Variants in TMEM156 observed in about 807,000 individuals in gnomAD.
TMEM156 encodes the protein transmembrane protein 156.
Under a neutral mutation model 30.5 loss-of-function variants are expected in TMEM156, and 28 were observed. The ratio of observed to expected loss-of-function variants is 0.92; its 90% CI spans 0.68 to 1.26. TMEM156 has a LOEUF of 1.26. Ranked by LOEUF, TMEM156 falls within the 50% of genes most tolerant of loss-of-function variation. The pLI is 0.00. For missense variants in TMEM156, 351 were observed against 340.6 expected (o/e 1.03, Z -0.24); for synonymous variants, 137 against 119.9 (o/e 1.14, Z -0.93).
intron 6 of TMEM156, among the ~76,000 whole-genome samples, chr4:38,969,673 G>A (rs1478128192): frequency 2.6e-5 from 4 of 152,148 alleles, no homozygotes; most frequent in Non-Finnish European, 5.9e-5. Context: ...GCTCACTGCA[G>A]CCTCAACTTC....
At chr4:38,985,916 AT>A (rs1490092500) in intron 5 of TMEM156, among the ~76,000 whole-genome samples, 2 of 152,188 alleles carry the variant, frequency 1.3e-5, no homozygotes, top group Non-Finnish European at 2.9e-5. Context: ...GGGCTTTTTA[AT>A]TGGGGCTATT....
At chr4:39,005,830 C>T (rs1037473540) in intron 1 of TMEM156, among the ~76,000 whole-genome samples, 1 of 152,168 alleles carries the variant, frequency 6.6e-6, no homozygotes, top group Non-Finnish European at 1.5e-5. Context: ...TTCAGTTTTA[C>T]TAGAAATGCC....
intron 5 of TMEM156, among the ~76,000 whole-genome samples, chr4:38,982,911 T>A (rs1236835759): frequency 1.3e-5 from 2 of 152,212 alleles, no homozygotes; most frequent in African/African-American, 4.8e-5. Flanking sequence ...CATGTGGACA[T>A]GTCAGGGGTG....
chr4:38,967,416 T>C lies in TMEM156; in HGVS notation c.*264A>G, dbSNP rs1301454824. The C allele has an allele frequency of 6.6e-6, 1 of 152,212 alleles. No homozygotes were observed. Among genetic ancestry groups the C allele is most frequent in the African/African-American group, 2.4e-5 (1 of 41,462 alleles). The allele number at this position is 152,212 out of a possible 1,614,324, so 9.4% of individuals were successfully genotyped here. On this transcript the variant is annotated 3_prime_UTR_variant, in exon 7 of 7. Coordinates refer to ENST00000381938, the MANE Select transcript of TMEM156 (RefSeq NM_024943.3). ...CTTGCTGTTTCCATGGGTTTCATCA[T>C]CTTTTTTTCCATGACTCATAATGGC...
intron 6 of TMEM156, among the ~76,000 whole-genome samples, chr4:38,968,947 T>A (rs900785090): frequency 2.0e-5 from 3 of 152,132 alleles, no homozygotes; most frequent in African/African-American, 7.2e-5. Context: ...GTTTGGTCAA[T>A]GGGGGAGTAC....
At chr4:38,980,829 G>T in intron 5 of TMEM156, 2 of 719,518 alleles carry the variant, frequency 2.8e-6, no homozygotes, top group Non-Finnish European at 3.4e-6. Flanking sequence ...GATGGTTCAG[G>T]CAGGGACAAT....
intron 5 of TMEM156, among the ~76,000 whole-genome samples, chr4:38,973,548 C>A (rs1201485139): frequency 6.6e-6 from 1 of 152,024 alleles, no homozygotes; most frequent in South Asian, 2.1e-4. Flanking sequence ...TTTTTGTACC[C>A]TGTCCCTTAC....
intron 2 of TMEM156, among the ~76,000 whole-genome samples, chr4:38,995,012 G>A (rs534679628): frequency 1.8e-4 from 28 of 152,172 alleles, no homozygotes; most frequent in Non-Finnish European, 1.8e-4. Flanking sequence ...GTGTTGGCAC[G>A]GTTGATTTGT....
At chr4:39,005,911 T>C (rs1247311288) in intron 1 of TMEM156, among the ~76,000 whole-genome samples, 5 of 152,196 alleles carry the variant, frequency 3.3e-5, no homozygotes, top group Non-Finnish European at 5.9e-5. Context: ...TCTTTTTCTT[T>C]TTTGAGTCAG....
At position 39,032,318 on chromosome 4, in the gene TMEM156, C is replaced by T. The variant is rs1715576108; in HGVS notation, c.-5G>A. 1.9e-6 allele frequency: 3 copies of T among 1,566,488 alleles called. No homozygotes were observed. Among genetic ancestry groups the T allele is most frequent in the Non-Finnish European group, 2.6e-6 (3 of 1,140,394 alleles). On this transcript the variant is annotated 5_prime_UTR_variant, in exon 1 of 7. Transcript: ENST00000381938. Reference sequence around the variant, plus strand: ...AAGGAGGGCTGTTTTTGTCATGTCTCTTCACATGACACAAATGTGTTCCCT... The same window carrying T: ...AAGGAGGGCTGTTTTTGTCATGTCTTTTCACATGACACAAATGTGTTCCCT...
intron 1 of TMEM156, among the ~76,000 whole-genome samples, chr4:39,009,976 G>T (rs969613922): frequency 6.6e-6 from 1 of 152,088 alleles, no homozygotes; most frequent in Admixed American, 6.6e-5. Flanking sequence ...TTGATGATAT[G>T]ATTATATACC....
At chr4:38,982,730 T>C (rs1174702126) in intron 5 of TMEM156, among the ~76,000 whole-genome samples, 1 of 152,222 alleles carries the variant, frequency 6.6e-6, no homozygotes, top group Non-Finnish European at 1.5e-5. Context: ...TCTGTCCCTC[T>C]AGAGAACCCT....
chr4:39,007,955 T>C (rs1487835923), intron 1 of TMEM156, among the ~76,000 whole-genome samples: 2 of 152,190 alleles, frequency 1.3e-5, no homozygotes, highest in Non-Finnish European at 2.9e-5. Flanking sequence ...TATATGGAAA[T>C]ACAATTGACC....
At chr4:38,981,000 A>G (rs1413311896) in intron 5 of TMEM156, 12 of 963,468 alleles carry the variant, frequency 1.2e-5, no homozygotes, top group Non-Finnish European at 1.5e-5. Flanking sequence ...TCTTCCTGCA[A>G]AAAGAATCAT....
At chr4:38,981,050 T>C (rs1257287964) in intron 5 of TMEM156, 9 of 552,442 alleles carry the variant, frequency 1.6e-5, no homozygotes, top group Non-Finnish European at 2.1e-5. Context: ...AGCAGATGGC[T>C]GTAACCTTTC....
chr4:38,967,788 T>C (rs972275385), intron 6 of TMEM156, 147 bp from the exon 7 acceptor site: 4 of 152,258 alleles, frequency 2.6e-5, no homozygotes, highest in African/African-American at 9.6e-5. Context: ...CTCAAGTCTC[T>C]GATTCAGGGC....
chr4:38,999,586 C>T lies in TMEM156; in HGVS notation c.89-677G>A, dbSNP rs376738889. Among the ~76,000 whole-genome samples the T allele has an allele frequency of 2.0e-5, 3 of 152,306 alleles. No homozygotes were observed. The East Asian group carries it at 5.8e-4, about 29-fold the overall frequency. The stretch of plus-strand genomic sequence containing the variant: ...CTAGGGCTGCTGTAACAAATTTCCA[C>T]AACCTTGGTAATTTAAAACAAGAAA... On this transcript the variant is annotated intron_variant, in intron 1 of 6. Transcript: ENST00000381938.
At chr4:39,019,157 C>A (rs569021367) in intron 1 of TMEM156, among the ~76,000 whole-genome samples, 1 of 151,218 alleles carries the variant, frequency 6.6e-6, no homozygotes, top group East Asian at 1.9e-4. Context: ...CTGTAAATTT[C>A]TTAGCCATTG....
At chr4:38,977,129 TC>T (rs200779906) in intron 5 of TMEM156, among the ~76,000 whole-genome samples, 9,668 of 152,224 alleles carry the variant, frequency 0.064, 561 homozygotes, top group African/African-American at 0.15. Context: ...GGTCTCAAAC[TC>T]CTGGCCTCAA....
Sources: allele counts gnomAD v4.1 joint callset (sites outside exome capture counted in the v4.1 genomes callset), GRCh38; gene constraint gnomAD v4.1.1; transcripts MANE v1.5; gene names NCBI Gene and HGNC (gene_info 2026-07-23, HGNC 2026-07-21).